Variants in NCALD observed in about 807,000 individuals in gnomAD.
The protein encoded by NCALD is neurocalcin-delta.
Under a neutral mutation model 18.6 loss-of-function variants are expected in NCALD, and 10 were observed. That is an observed-to-expected ratio of 0.54 (90% CI 0.33 to 0.91). The LOEUF (loss-of-function observed/expected upper bound fraction) is 0.91, where lower values mean the gene tolerates loss of function less well. NCALD is among the 40% of genes least tolerant of loss of function. The pLI, the probability that NCALD is intolerant of heterozygous loss-of-function variation, is 0.03. For synonymous variants in NCALD, 88 were observed against 87.4 expected (o/e 1.01, Z -0.04); for missense variants, 184 against 247.6 (o/e 0.74, Z 1.72).
intron 2 of NCALD, among the ~76,000 whole-genome samples, chr8:101,964,244 T>G (rs1004998408): frequency 6.6e-6 from 1 of 152,160 alleles, no homozygotes; most frequent in Admixed American, 6.6e-5. Context: ...GACATCAGCT[T>G]ATATTAATCT....
intron 2 of NCALD, among the ~76,000 whole-genome samples, chr8:101,956,586 GGAGAGGGAGGTGGA>G (rs1417908944): frequency 6.6e-6 from 1 of 151,974 alleles, no homozygotes; most frequent in Non-Finnish European, 1.5e-5. Flanking sequence ...AGAGGGATAG[GGAGAGGGAGGTGGA>G]GAGAGAGAGA....
chr8:102,054,659 CCGA>C lies in NCALD; in HGVS notation c.-209-34373_-209-34371del, dbSNP rs1190060020. On this transcript the variant is annotated intron_variant, in intron 1 of 6. Transcript: ENST00000311028. ...TCTGATATGTCTCTCTCTTTCTCTT[CCGA>C]TAGATAGATAGATAGATAGATAGAT... Among the ~76,000 whole-genome samples the C allele has an allele frequency of 3.5e-4, 43 of 122,034 alleles. 1 individual carries two copies. The highest frequency in any genetic ancestry group is 4.0e-3 in the Middle Eastern group (1 of 248). 80.1% of individuals were successfully genotyped at this position (122,034 alleles called of 152,430 possible).
At position 101,720,619 on chromosome 8, in the gene NCALD, T is replaced by G. The variant is rs72674300; in HGVS notation, c.-19-971A>C. On this transcript the variant is annotated intron_variant, in intron 1 of 3. Coordinates refer to ENST00000220931, the MANE Select transcript of NCALD (RefSeq NM_032041.3). ...ACATGGTGTGGAAAATAAAGGTAAC[T>G]TTTACTAGGTGGGGAAATACCTGTA... is the stretch of plus-strand genomic sequence containing the variant. 9.3e-3 allele frequency among the ~76,000 whole-genome samples: 1,419 copies of G among 152,338 alleles called. 11 individuals are homozygous for G. Among genetic ancestry groups the G allele is most frequent in the Middle Eastern group, 0.02 (6 of 294 alleles).
intron 3 of NCALD, among the ~76,000 whole-genome samples, chr8:101,910,669 A>G (rs990054187): frequency 1.3e-5 from 2 of 152,354 alleles, no homozygotes; most frequent in East Asian, 3.9e-4. Flanking sequence ...CTCTTTTGAC[A>G]AAAAGATCTA....
At chr8:101,743,508 C>A (rs557672065) in intron 1 of NCALD, among the ~76,000 whole-genome samples, 8 of 152,200 alleles carry the variant, frequency 5.3e-5, no homozygotes, top group African/African-American at 1.9e-4. Context: ...TGCCTTTAAC[C>A]TAACCTATTA....
intron 1 of NCALD, among the ~76,000 whole-genome samples, chr8:101,764,743 A>T (rs1370005485): frequency 2.0e-5 from 3 of 152,232 alleles, no homozygotes; most frequent in Non-Finnish European, 4.4e-5. Flanking sequence ...GGTGCTTTGC[A>T]TGTGACACTC....
At chr8:102,069,820 G>A (rs1824123311) in intron 1 of NCALD, among the ~76,000 whole-genome samples, 1 of 152,216 alleles carries the variant, frequency 6.6e-6, no homozygotes, top group Non-Finnish European at 1.5e-5. Flanking sequence ...AGTTTGGAAA[G>A]TAATTGTAAT....
intron 2 of NCALD, among the ~76,000 whole-genome samples, chr8:101,983,610 T>C (rs1820701250): frequency 6.6e-6 from 1 of 152,220 alleles, no homozygotes; most frequent in African/African-American, 2.4e-5. Flanking sequence ...GTATGTGTTG[T>C]GATGGATACT....
chr8:101,777,238 T>C (rs1811830199), intron 1 of NCALD, among the ~76,000 whole-genome samples: 1 of 152,198 alleles, frequency 6.6e-6, no homozygotes, highest in Admixed American at 6.5e-5. Flanking sequence ...CAGTCTGTGT[T>C]GGGTACTTAA....
At chr8:101,880,369 G>C (rs899155375) in intron 4 of NCALD, among the ~76,000 whole-genome samples, 3 of 152,060 alleles carry the variant, frequency 2.0e-5, no homozygotes, top group Non-Finnish European at 4.4e-5. Context: ...CAGCAGCCCC[G>C]GTTCCCACTG....
chr8:101,880,080 G>A (rs1285201546), intron 4 of NCALD, among the ~76,000 whole-genome samples: 1 of 151,922 alleles, frequency 6.6e-6, no homozygotes, highest in Non-Finnish European at 1.5e-5. Context: ...CATGGTGTGG[G>A]GGGGAGGGGG....
intron 2 of NCALD, among the ~76,000 whole-genome samples, chr8:101,715,608 TAAAC>T (rs1371879456): frequency 1.3e-5 from 2 of 152,012 alleles, no homozygotes; most frequent in Non-Finnish European, 2.9e-5. Context: ...ACAAGAAACT[TAAAC>T]AAATTTACAA....
Position 101,972,063 on chromosome 8 carries a change from G to T in NCALD, c.-157+48174C>A, listed in dbSNP as rs78569149. Reference sequence around the variant, plus strand: ...CACAAAACCTCTCACAGGAATCCACGGATTCACTAGAGGTATGTGAGGAGG... The same window carrying T: ...CACAAAACCTCTCACAGGAATCCACTGATTCACTAGAGGTATGTGAGGAGG... On this transcript the variant is annotated intron_variant, in intron 2 of 6. Coordinates refer to the NCALD transcript ENST00000311028. 7.8e-3 allele frequency among the ~76,000 whole-genome samples: 1,182 copies of T among 152,244 alleles called. 20 individuals carry two copies. Among genetic ancestry groups the T allele is most frequent in the African/African-American group, 0.026 (1,075 of 41,540 alleles).
chr8:101,938,366 A>G (rs1214097107), intron 2 of NCALD, among the ~76,000 whole-genome samples: 1 of 152,212 alleles, frequency 6.6e-6, no homozygotes, highest in Non-Finnish European at 1.5e-5. Context: ...TAGTGAAGCC[A>G]TAGCTCAGAG....
rs367836337 is a variant in NCALD at position 101,809,679 on chromosome 8, G to C, written c.-20+77462C>G. Among the ~76,000 whole-genome samples, 18 of 152,102 alleles carry C rather than the reference G, an allele frequency of 1.2e-4. No homozygotes were observed. The East Asian group carries it at 1.7e-3, about 15-fold the overall frequency. On this transcript the variant is annotated intron_variant, in intron 4 of 6. Coordinates refer to the NCALD transcript ENST00000311028. Reference sequence around the variant, plus strand: ...CTCCTGCCTCAGCCTCCTGTAGCTGGGATAACAGGCATGCGCCACCACACC... The same window carrying C: ...CTCCTGCCTCAGCCTCCTGTAGCTGCGATAACAGGCATGCGCCACCACACC...
intron 4 of NCALD, among the ~76,000 whole-genome samples, chr8:101,883,571 C>G (rs1816566771): frequency 6.6e-6 from 1 of 152,204 alleles, no homozygotes; most frequent in Non-Finnish European, 1.5e-5. Context: ...TCGTTTTCCT[C>G]TCTTGAAATT....
chr8:101,939,717 T>C (rs1818887761), intron 2 of NCALD, among the ~76,000 whole-genome samples: 1 of 152,234 alleles, frequency 6.6e-6, no homozygotes, highest in Non-Finnish European at 1.5e-5. Flanking sequence ...ATCAACTTAT[T>C]ACATAACAGT....
At chr8:102,062,731 A>G (rs955756831) in intron 1 of NCALD, among the ~76,000 whole-genome samples, 2 of 152,186 alleles carry the variant, frequency 1.3e-5, no homozygotes, top group Non-Finnish European at 2.9e-5. Flanking sequence ...CTTTGAACCA[A>G]CAGCATTTGA....
intron 2 of NCALD, among the ~76,000 whole-genome samples, chr8:101,935,077 C>T (rs1403907956): frequency 6.6e-6 from 1 of 151,890 alleles, no homozygotes; most frequent in Non-Finnish European, 1.5e-5. Flanking sequence ...AGCAGATGCG[C>T]TAGAGAAAGA....
Sources: allele counts gnomAD v4.1 joint callset (sites outside exome capture counted in the v4.1 genomes callset), GRCh38; gene constraint gnomAD v4.1.1; transcripts MANE v1.5; gene names NCBI Gene and HGNC (gene_info 2026-07-23, HGNC 2026-07-21).